ZNF469: variants seen among roughly 807,000 people sequenced by gnomAD.
ZNF469 encodes the protein zinc finger protein 469.
ZNF469 carries 1 observed loss-of-function variant against 1.0 expected under a neutral mutation model. The ratio of observed to expected loss-of-function variants is 1.00; its 90% confidence interval spans 0.35 to 4.73. The LOEUF (loss-of-function observed/expected upper bound fraction) is 4.73, where lower values mean the gene tolerates loss of function less well. Among genes scored for constraint, ZNF469 ranks in the 30% most tolerant of loss-of-function variants. The pLI, the probability that ZNF469 is intolerant of heterozygous loss-of-function variation, is 0.16. For missense variants in ZNF469, 6,100 were observed against 5,356.3 expected, an observed-to-expected ratio of 1.14 and a Z score of -4.33; for synonymous variants, 2,703 against 2,363.4, an observed-to-expected ratio of 1.14 and a Z score of -4.17.
the ZNF469 span, among the ~76,000 whole-genome samples, chr16:88,142,556 C>A: frequency 6.6e-6 from 1 of 152,226 alleles, no homozygotes; most frequent in Non-Finnish European, 1.5e-5. Flanking sequence ...ACAGCACAGA[C>A]CTCAGCGTGA....
chr16:88,109,026 T>C, the ZNF469 span, among the ~76,000 whole-genome samples: 9,204 of 152,286 alleles, frequency 0.06, 472 homozygotes, highest in East Asian at 0.19. Context: ...TTGTGCTTTT[T>C]AGCCACCAAG....
chr16:88,157,697 G>C, the ZNF469 span, among the ~76,000 whole-genome samples: 5 of 152,196 alleles, frequency 3.3e-5, no homozygotes, highest in African/African-American at 1.2e-4. Flanking sequence ...GAAATGCCCA[G>C]CTCCCCGCTC....
At position 88,436,495 on chromosome 16, in the gene ZNF469, T is replaced by G. The variant is rs767979406; in HGVS notation, c.9025T>G (p.Ser3009Ala). The G allele has an allele frequency of 1.4e-5, 21 of 1,547,922 alleles. No individual in the cohort carries two copies. In the African/African-American group the frequency reaches 1.8e-4, roughly 13 times the overall value. Residue 3009 changes from serine (S) to alanine (A), a missense_variant, in exon 3 of 3, where the codon TCC becomes GCC. Coordinates refer to ENST00000565624, the MANE Select transcript of ZNF469 (RefSeq NM_001367624.2). ...GLEMPAPADDSSSSLGDVSPE... is the reference protein window; with the variant it reads ...GLEMPAPADDASSSLGDVSPE... Reference sequence around the variant, plus strand: ...GGAGATGCCGGCCCCTGCCGATGACTCCTCCTCTTCTCTCGGAGATGTGAG... The same window carrying G: ...GGAGATGCCGGCCCCTGCCGATGACGCCTCCTCTTCTCTCGGAGATGTGAG...
the ZNF469 span, among the ~76,000 whole-genome samples, chr16:88,277,654 C>T: frequency 2.0e-4 from 26 of 131,274 alleles, 4 homozygotes; most frequent in African/African-American, 6.4e-4. Context: ...CTGTGCCACG[C>T]TGACACTCAG....
the ZNF469 span, among the ~76,000 whole-genome samples, chr16:88,287,929 T>C: frequency 6.6e-6 from 1 of 152,220 alleles, no homozygotes; most frequent in African/African-American, 2.4e-5. Context: ...TTTGAGATTT[T>C]TGTCGGTTGG....
chr16:88,416,246 G>A (rs2142287020), intron 1 of ZNF469, among the ~76,000 whole-genome samples: 1 of 152,270 alleles, frequency 6.6e-6, no homozygotes, highest in African/African-American at 2.4e-5. Context: ...CCTCACTCGA[G>A]GTGGGATGGG....
chr16:88,272,148 AGACGAG>A, the ZNF469 span, among the ~76,000 whole-genome samples: 1 of 146,358 alleles, frequency 6.8e-6, no homozygotes, highest in Non-Finnish European at 1.5e-5. Flanking sequence ...GTGGATGGAT[AGACGAG>A]TGGGTGGGTA....
At chr16:88,239,592 A>G in the ZNF469 span, among the ~76,000 whole-genome samples, 2 of 138,018 alleles carry the variant, frequency 1.4e-5, no homozygotes, top group African/African-American at 5.3e-5. Flanking sequence ...GGTTCACGCC[A>G]TTCTCCTGCC....
At chr16:88,269,542 C>G in the ZNF469 span, among the ~76,000 whole-genome samples, 5 of 152,036 alleles carry the variant, frequency 3.3e-5, no homozygotes, top group African/African-American at 1.2e-4. Flanking sequence ...TCCAAACACA[C>G]GGACCTCTTA....
intron 1 of ZNF469, among the ~76,000 whole-genome samples, chr16:88,383,750 C>A (rs967261106): frequency 1.1e-4 from 16 of 151,928 alleles, no homozygotes; most frequent in Admixed American, 2.6e-4. Flanking sequence ...GCGCTCCGAG[C>A]GCGGCATAGG....
At chr16:88,261,102 G>A in the ZNF469 span, among the ~76,000 whole-genome samples, 5 of 152,142 alleles carry the variant, frequency 3.3e-5, no homozygotes, top group Admixed American at 1.3e-4. The surrounding 1 kb of genome is among the most constrained non-coding windows in gnomAD (Gnocchi z 6.0). Context: ...GGAGAGGCTC[G>A]AGCACGCTGC....
chr16:88,271,508 C>T, the ZNF469 span, among the ~76,000 whole-genome samples: 17 of 140,808 alleles, frequency 1.2e-4, no homozygotes, highest in East Asian at 8.5e-4. Flanking sequence ...CTCAGTAGGA[C>T]GGCATGTGTG....
chr16:88,163,649 GAT>G, the ZNF469 span, among the ~76,000 whole-genome samples: 205 of 145,820 alleles, frequency 1.4e-3, 3 homozygotes, highest in African/African-American at 3.9e-3. Context: ...TGGATGGATG[GAT>G]GGATAGTTGG....
intron 1 of ZNF469, among the ~76,000 whole-genome samples, chr16:88,393,751 G>A (rs1904553277): frequency 1.3e-5 from 2 of 152,254 alleles, no homozygotes; most frequent in Non-Finnish European, 2.9e-5. Context: ...CAGCAAGGCT[G>A]GCAATTGGTC....
intron 1 of ZNF469, among the ~76,000 whole-genome samples, chr16:88,392,379 C>T (rs1010168560): frequency 1.3e-5 from 2 of 152,266 alleles, no homozygotes; most frequent in African/African-American, 4.8e-5. Flanking sequence ...TAGGTGCCTC[C>T]TCCCCAGCCC....
chr16:88,238,271 G>T, the ZNF469 span, among the ~76,000 whole-genome samples: 1 of 152,226 alleles, frequency 6.6e-6, no homozygotes, highest in East Asian at 1.9e-4. Context: ...GAAGTTCCCC[G>T]TGGGAAGGGA....
At chr16:88,205,358 T>C in the ZNF469 span, among the ~76,000 whole-genome samples, 1 of 152,016 alleles carries the variant, frequency 6.6e-6, no homozygotes. This position sits in a 1 kb window ranked among gnomAD's most constrained non-coding sequence, Gnocchi z 4.2. Context: ...TCCTAAAGGG[T>C]ACAGGAGCAC....
the ZNF469 span, among the ~76,000 whole-genome samples, chr16:88,113,368 G>C: frequency 0.01 from 1,589 of 152,304 alleles, 18 homozygotes; most frequent in Non-Finnish European, 0.015. Flanking sequence ...CCTTTCCCCA[G>C]GGTATGTTCT....
chr16:88,133,919 C>A, the ZNF469 span, among the ~76,000 whole-genome samples: 1 of 152,186 alleles, frequency 6.6e-6, no homozygotes, highest in Admixed American at 6.5e-5. Context: ...CATGGTGAAA[C>A]CCTGTCTCTA....
Sources: allele counts gnomAD v4.1 joint callset (sites outside exome capture counted in the v4.1 genomes callset), GRCh38; gene constraint gnomAD v4.1.1; non-coding constraint Gnocchi (gnomAD v3.1); transcripts MANE v1.5; gene names NCBI Gene and HGNC (gene_info 2026-07-23, HGNC 2026-07-21).